The following CCDC178 variants were observed in gnomAD, a reference collection of about 807,000 sequenced individuals.
The protein encoded by CCDC178 is coiled-coil domain-containing protein 178.
Under a neutral mutation model 117.4 loss-of-function variants are expected in CCDC178, and 126 were observed. The observed-to-expected ratio is 1.07, with a 90% confidence interval of 0.93 to 1.24. The LOEUF (loss-of-function observed/expected upper bound fraction) is 1.24. Ranked by LOEUF, CCDC178 falls within the 50% of genes most tolerant of loss-of-function variation. CCDC178 has a pLI of 0.00. For synonymous variants in CCDC178, 283 were observed against 313.4 expected (o/e 0.90, Z 1.02); for missense variants, 1,030 against 986.9 (o/e 1.04, Z -0.59).
chr18:33,216,772 C>T (rs1307634566), intron 18 of CCDC178, among the ~76,000 whole-genome samples: 1 of 151,892 alleles, frequency 6.6e-6, no homozygotes, highest in East Asian at 1.9e-4. Flanking sequence ...TAATTTTCTA[C>T]TGATAAATAA....
chr18:33,385,600 T>C (rs2063483548), intron 5 of CCDC178, among the ~76,000 whole-genome samples: 2 of 152,092 alleles, frequency 1.3e-5, no homozygotes, highest in African/African-American at 2.4e-5. Context: ...AACAACCTGC[T>C]CCTGAATGAC....
chr18:33,179,083 A>ATATATATATATATATATATATATATAAAC (rs1568036906), intron 20 of CCDC178, among the ~76,000 whole-genome samples: 49 of 82,202 alleles, frequency 6.0e-4, no homozygotes, highest in Non-Finnish European at 7.9e-4. Context: ...AAAAAAATAT[A>ATATATATATATATATATATATATATAAAC]TATATATATA....
intron 5 of CCDC178, among the ~76,000 whole-genome samples, chr18:33,389,125 C>T (rs1204459153): frequency 2.0e-5 from 3 of 151,988 alleles, no homozygotes; most frequent in African/African-American, 7.3e-5. Flanking sequence ...ACATCCTGCA[C>T]ATGTACCCTG....
intron 22 of CCDC178, chr18:32,958,151 C>T (rs781598343): frequency 5.9e-5 from 31 of 528,364 alleles, no homozygotes; most frequent in South Asian, 5.1e-4. Context: ...ACAGACATTA[C>T]GTTTGAAGTG....
intron 8 of CCDC178, among the ~76,000 whole-genome samples, 179 bp from the exon 9 acceptor site, chr18:33,346,590 C>G (rs1005410974): frequency 6.6e-6 from 1 of 151,786 alleles, no homozygotes; most frequent in Non-Finnish European, 1.5e-5. Context: ...TAATTATAAA[C>G]TTTGAAGACC....
chr18:33,065,033 A>C (rs2056987851), intron 21 of CCDC178, among the ~76,000 whole-genome samples: 1 of 152,046 alleles, frequency 6.6e-6, no homozygotes, highest in Admixed American at 6.6e-5. Context: ...ATTGGAAAAA[A>C]AAAAAAAAAA....
At chr18:33,045,820 A>G in intron 21 of CCDC178, among the ~76,000 whole-genome samples, 1 of 152,194 alleles carries the variant, frequency 6.6e-6, no homozygotes, top group Non-Finnish European at 1.5e-5. Flanking sequence ...TAATCCCAGC[A>G]CTTTGGGAGG....
At chr18:33,266,557 A>G (rs1382087310) in intron 14 of CCDC178, among the ~76,000 whole-genome samples, 1 of 147,468 alleles carries the variant, frequency 6.8e-6, no homozygotes, top group Admixed American at 6.9e-5. Flanking sequence ...TCTTTATTTT[A>G]TTATTATTAT....
At chr18:32,941,333 A>T (rs184558266) in intron 22 of CCDC178, among the ~76,000 whole-genome samples, 157 of 152,242 alleles carry the variant, frequency 1.0e-3, no homozygotes, top group African/African-American at 3.7e-3. Context: ...GAGTCCTCAT[A>T]TGAGCTGAGA....
intron 19 of CCDC178, among the ~76,000 whole-genome samples, chr18:33,213,401 A>G (rs1209299819): frequency 6.6e-6 from 1 of 151,904 alleles, no homozygotes; most frequent in East Asian, 1.9e-4. Flanking sequence ...CCTCTACATC[A>G]TTCATACCAA....
chr18:33,235,409 T>C (rs2144662090), intron 15 of CCDC178, among the ~76,000 whole-genome samples: 1 of 152,308 alleles, frequency 6.6e-6, no homozygotes, highest in East Asian at 1.9e-4. Context: ...CCCTAAACTC[T>C]ACACAGTCAC....
chr18:33,309,900 CA>C, intron 11 of CCDC178, among the ~76,000 whole-genome samples: 1 of 151,078 alleles, frequency 6.6e-6, no homozygotes, highest in Non-Finnish European at 1.5e-5. Flanking sequence ...AATATTTGTC[CA>C]AAACAAAATG....
chr18:32,950,785 C>G (rs1883641854), intron 22 of CCDC178, among the ~76,000 whole-genome samples: 1 of 152,114 alleles, frequency 6.6e-6, no homozygotes, highest in African/African-American at 2.4e-5. Context: ...CATACTACTT[C>G]AAAGGAAGCA....
At chr18:33,410,224 C>T (rs951059172) in intron 3 of CCDC178, among the ~76,000 whole-genome samples, 5 of 152,110 alleles carry the variant, frequency 3.3e-5, no homozygotes, top group South Asian at 2.1e-4. Context: ...CTTTTTAATT[C>T]GCATTATAAT....
chr18:33,142,079 T>G (rs775079781), intron 20 of CCDC178, among the ~76,000 whole-genome samples: 2 of 152,140 alleles, frequency 1.3e-5, no homozygotes, highest in East Asian at 3.8e-4. Flanking sequence ...AATAGGTGTT[T>G]GGGTATTTGC....
In CCDC178 at chr18:33,201,960, T is replaced by C. The variant is rs898864823; in HGVS notation, c.2238+9936A>G. Among the ~76,000 whole-genome samples, 13 of 152,286 alleles carry C rather than the reference T, an allele frequency of 8.5e-5. No homozygotes were observed. In the East Asian group the frequency reaches 1.5e-3, roughly 18 times the overall value. The stretch of plus-strand genomic sequence containing the variant: ...GATTCTGTCTTCAAATATTTTCTAC[T>C]TTATTTCAAGGTTTTTATGTGTTCC... On this transcript the variant is annotated intron_variant, in intron 20 of 22. Coordinates refer to ENST00000383096, the MANE Select transcript of CCDC178 (RefSeq NM_001105528.4).
intron 14 of CCDC178, among the ~76,000 whole-genome samples, chr18:33,248,645 T>C (rs959082966): frequency 6.6e-6 from 1 of 152,068 alleles, no homozygotes; most frequent in Non-Finnish European, 1.5e-5. Context: ...ATGTGTCACA[T>C]TTTCTTAATT....
chr18:33,352,807 A>G (rs943468448), intron 7 of CCDC178, among the ~76,000 whole-genome samples: 16 of 152,012 alleles, frequency 1.1e-4, no homozygotes, highest in African/African-American at 3.9e-4. Context: ...TTTTCGTTTC[A>G]TTGAGATTTA....
At chr18:32,985,985 T>C (rs1039582347) in intron 21 of CCDC178, among the ~76,000 whole-genome samples, 3 of 152,216 alleles carry the variant, frequency 2.0e-5, no homozygotes, top group East Asian at 1.9e-4. Context: ...ATTCTTAATA[T>C]AGAAAGATAT....
Sources: allele counts gnomAD v4.1 joint callset (sites outside exome capture counted in the v4.1 genomes callset), GRCh38; gene constraint gnomAD v4.1.1; transcripts MANE v1.5; gene names NCBI Gene and HGNC (gene_info 2026-07-23, HGNC 2026-07-21).